Variants in SHROOM3 observed in about 807,000 individuals in gnomAD.
SHROOM3 encodes the protein protein Shroom3.
SHROOM3 carries 47 observed loss-of-function variants against 138.6 expected under a neutral mutation model. The ratio of observed to expected loss-of-function variants is 0.34; its 90% CI spans 0.27 to 0.43. The LOEUF (loss-of-function observed/expected upper bound fraction) is 0.43. Ranked by LOEUF, SHROOM3 falls within the 20% of genes least tolerant of loss-of-function variation. The pLI is 1.00. For missense variants in SHROOM3, 2,491 were observed against 2,596.5 expected, an observed-to-expected ratio of 0.96 and a Z score of 0.88; for synonymous variants, 1,062 against 1,063.3, an observed-to-expected ratio of 1.00 and a Z score of 0.02.
At chr4:76,635,356 G>A (rs1287690214) in intron 2 of SHROOM3, among the ~76,000 whole-genome samples, 2 of 152,142 alleles carry the variant, frequency 1.3e-5, no homozygotes, top group Non-Finnish European at 2.9e-5. Context: ...TCTTCTCCTA[G>A]TTTGAGACCT....
At chr4:76,706,231 T>G (rs896852288) in intron 2 of SHROOM3, among the ~76,000 whole-genome samples, 5 of 152,024 alleles carry the variant, frequency 3.3e-5, no homozygotes, top group African/African-American at 1.2e-4. Flanking sequence ...TCTCCTACCT[T>G]AGCCTCCCGA....
intron 2 of SHROOM3, among the ~76,000 whole-genome samples, chr4:76,644,011 A>AT (rs1440064643): frequency 6.6e-6 from 1 of 151,656 alleles, no homozygotes; most frequent in Non-Finnish European, 1.5e-5. Flanking sequence ...CGCCTGGCTA[A>AT]TTTTGTATTT....
At position 76,740,153 on chromosome 4, in the gene SHROOM3, A is replaced by G. The variant is rs752464312; in HGVS notation, c.1980A>G (p.Ser660=). ...CAGGCAACTTTGGCAAGACCAAGTCAGCCTTCTCATCTCTCCAGAACATTC... is the reference window on the plus strand; with the variant it reads ...CAGGCAACTTTGGCAAGACCAAGTCGGCCTTCTCATCTCTCCAGAACATTC... ...SLSGNFGKTK[S]AFSSLQNIPE... Residue 660 remains serine (S), a synonymous_variant, in exon 5 of 11, where the codon TCA becomes TCG. Coordinates refer to ENST00000296043, the MANE Select transcript of SHROOM3 (RefSeq NM_020859.4). This position sits in a 1 kb window ranked among gnomAD's most constrained non-coding sequence, Gnocchi z 4.0. The G allele has an allele frequency of 2.5e-6, 4 of 1,613,814 alleles. No individual in the cohort carries two copies. In the Admixed American group the frequency reaches 5.0e-5, roughly 20 times the overall value.
intron 2 of SHROOM3, among the ~76,000 whole-genome samples, chr4:76,698,244 T>G (rs1373741113): frequency 6.6e-6 from 1 of 152,218 alleles, no homozygotes; most frequent in Non-Finnish European, 1.5e-5. Flanking sequence ...TTGGATATTA[T>G]GGACACAAAT....
intron 6 of SHROOM3, among the ~76,000 whole-genome samples, chr4:76,750,015 CCTT>C (rs1721569373): frequency 6.6e-6 from 1 of 152,182 alleles, no homozygotes; most frequent in Non-Finnish European, 1.5e-5. Flanking sequence ...TCTACATTCA[CCTT>C]CTTAATAACA....
intron 3 of SHROOM3, among the ~76,000 whole-genome samples, chr4:76,728,605 T>C (rs1275162478): frequency 6.6e-6 from 1 of 152,194 alleles, no homozygotes; most frequent in Non-Finnish European, 1.5e-5. Flanking sequence ...GCAAACAAAT[T>C]GTCATATGTT....
intron 1 of SHROOM3, among the ~76,000 whole-genome samples, chr4:76,517,801 G>T (rs1235407849): frequency 6.6e-6 from 1 of 152,224 alleles, no homozygotes; most frequent in East Asian, 1.9e-4. Context: ...GCCAGAATTT[G>T]TTACCATGTG....
intron 2 of SHROOM3, among the ~76,000 whole-genome samples, chr4:76,696,232 A>G (rs1034565760): frequency 6.6e-6 from 1 of 152,206 alleles, no homozygotes. Context: ...ATAGACGCAC[A>G]TGGTTGAAGT....
At chr4:76,756,392 T>TA in intron 7 of SHROOM3, 57 bp from the exon 8 acceptor site, 1 of 1,504,530 alleles carries the variant, frequency 6.6e-7, no homozygotes, top group South Asian at 1.2e-5. Flanking sequence ...ACCCTTCTCT[T>TA]ATCACTCTCT....
chr4:76,581,417 T>C (rs1734050819), intron 2 of SHROOM3, among the ~76,000 whole-genome samples: 1 of 152,236 alleles, frequency 6.6e-6, no homozygotes, highest in South Asian at 2.1e-4. Context: ...TGTGTGCCTT[T>C]CGATTGCTGT....
At chr4:76,721,791 A>G (rs1478800220) in intron 3 of SHROOM3, among the ~76,000 whole-genome samples, 1 of 152,252 alleles carries the variant, frequency 6.6e-6, no homozygotes, top group Non-Finnish European at 1.5e-5. Context: ...ATAACAGAAC[A>G]CTGGAAAAGA....
At chr4:76,457,524 G>A (rs538548533) in intron 1 of SHROOM3, among the ~76,000 whole-genome samples, 29 of 148,418 alleles carry the variant, frequency 2.0e-4, no homozygotes, top group African/African-American at 6.0e-4. Context: ...ATGGAGTCTC[G>A]CTCTGTCTCC....
At chr4:76,701,404 C>A (rs1405896415) in intron 2 of SHROOM3, among the ~76,000 whole-genome samples, 1 of 152,170 alleles carries the variant, frequency 6.6e-6, no homozygotes, top group African/African-American at 2.4e-5. Context: ...CCCTGCTGTG[C>A]CAGTCGTGTG....
chr4:76,614,943 G>A (rs771778324), intron 2 of SHROOM3, among the ~76,000 whole-genome samples: 1 of 152,162 alleles, frequency 6.6e-6, no homozygotes. Context: ...TCTACAATAG[G>A]CCTTTGCCAA....
At chr4:76,725,213 T>A (rs1720669428) in intron 3 of SHROOM3, among the ~76,000 whole-genome samples, 1 of 150,020 alleles carries the variant, frequency 6.7e-6, no homozygotes, top group South Asian at 2.2e-4. Context: ...TGAAACCTGA[T>A]ACTCTGCCCA....
chr4:76,710,651 G>A (rs1720203118), intron 3 of SHROOM3, among the ~76,000 whole-genome samples: 1 of 152,064 alleles, frequency 6.6e-6, no homozygotes, highest in African/African-American at 2.4e-5. Context: ...AATGATCAGT[G>A]TGCCAAATTG....
chr4:76,702,402 G>C (rs1315553997), intron 2 of SHROOM3, among the ~76,000 whole-genome samples: 1 of 152,148 alleles, frequency 6.6e-6, no homozygotes, highest in African/African-American at 2.4e-5. Flanking sequence ...AGTTCTACGG[G>C]TAAAAATTTA....
intron 2 of SHROOM3, among the ~76,000 whole-genome samples, chr4:76,637,875 A>G (rs575329365): frequency 1.6e-4 from 24 of 152,320 alleles, no homozygotes; most frequent in Non-Finnish European, 2.9e-4. Context: ...AACTGGGCTC[A>G]GTGCCTCTCC....
chr4:76,708,465 GA>G (rs1399947343), intron 2 of SHROOM3, among the ~76,000 whole-genome samples: 1 of 152,012 alleles, frequency 6.6e-6, no homozygotes, highest in East Asian at 1.9e-4. Context: ...AAGGTTTTAT[GA>G]AAGCTCAGGC....
Sources: allele counts gnomAD v4.1 joint callset (sites outside exome capture counted in the v4.1 genomes callset), GRCh38; gene constraint gnomAD v4.1.1; non-coding constraint Gnocchi (gnomAD v3.1); transcripts MANE v1.5; gene names NCBI Gene and HGNC (gene_info 2026-07-23, HGNC 2026-07-21).